BMP2K: variants seen among roughly 807,000 people sequenced by gnomAD.
BMP2K encodes the protein BMP-2-inducible protein kinase.
BMP2K carries 74 observed loss-of-function variants against 116.0 expected under a neutral mutation model. The ratio of observed to expected loss-of-function variants is 0.64; its 90% CI spans 0.53 to 0.77. The LOEUF (loss-of-function observed/expected upper bound fraction) is 0.77, where lower values mean the gene tolerates loss of function less well. Among genes scored for constraint, BMP2K ranks in the 30% least tolerant of loss-of-function variants. The pLI, the probability that BMP2K is intolerant of heterozygous loss-of-function variation, is 0.00. For missense variants in BMP2K, 1,365 were observed against 1,403.6 expected, an observed-to-expected ratio of 0.97 and a Z score of 0.44; for synonymous variants, 486 against 502.5, an observed-to-expected ratio of 0.97 and a Z score of 0.44.
Position 78,911,788 on chromosome 4 carries a change from T to C in BMP2K, c.3241T>C (p.Trp1081Arg), listed in dbSNP as rs1302737856. 1 of 1,613,878 alleles carries C rather than the reference T, an allele frequency of 6.2e-7. No homozygotes were observed. The highest frequency in any genetic ancestry group is 8.5e-7 in the Non-Finnish European group (1 of 1,179,874). ...GCCCTTCCATTCTCCAGACCTGTCA[T>C]GGCACCCTCCACATCAGGGCCTGAG... is the stretch of plus-strand genomic sequence containing the variant. ...AKPFHSPDLS[W>R]HPPHQGLSDI... Residue 1081 changes from tryptophan to arginine, a missense_variant, in exon 16 of 16, where the codon TGG becomes CGG. Trp to Arg is a moderately radical substitution (Grantham distance 101). This residue lies in a region of BMP2K where 596 missense variants were observed against 623.2 expected (regional missense o/e 0.96). Transcript: ENST00000502613.
chr4:78,856,844 G>A (rs1731529235), intron 7 of BMP2K, among the ~76,000 whole-genome samples: 1 of 152,120 alleles, frequency 6.6e-6, no homozygotes, highest in African/African-American at 2.4e-5. Context: ...CTTACAAAAT[G>A]TGGTTTAGCA....
In BMP2K at chr4:78,914,612, C is replaced by A. The variant is rs746369845; in HGVS notation, c.*2579C>A. On this transcript the variant is annotated 3_prime_UTR_variant, in exon 16 of 16. Transcript: ENST00000502613. ...TCCCAAGATATGTGAAAGTGCTTAA[C>A]ACAGTACCTGGCACACAGCACTCAA... 4 of 151,824 alleles carry A rather than the reference C, an allele frequency of 2.6e-5. No homozygotes were observed. Among genetic ancestry groups the A allele is most frequent in the Non-Finnish European group, 5.9e-5 (4 of 67,902 alleles). 9.4% of individuals were successfully genotyped at this position (151,824 alleles called of 1,614,324 possible).
At chr4:78,834,239 C>A (rs1577910469) in intron 3 of BMP2K, among the ~76,000 whole-genome samples, 3 of 150,870 alleles carry the variant, frequency 2.0e-5, no homozygotes, top group Admixed American at 2.0e-4. Context: ...TCATCATCAT[C>A]ATAAAAAAAT....
intron 15 of BMP2K, among the ~76,000 whole-genome samples, chr4:78,897,972 A>G (rs1290934781): frequency 6.6e-6 from 1 of 152,206 alleles, no homozygotes; most frequent in Non-Finnish European, 1.5e-5. Flanking sequence ...CAAAGGAGAG[A>G]GTTGCTTTAT....
At position 78,856,939 on chromosome 4, in the gene BMP2K, T is replaced by C. The variant is rs143070161; in HGVS notation, c.884-2645T>C. On this transcript the variant is annotated intron_variant, in intron 7 of 15. Coordinates refer to ENST00000502613, the MANE Select transcript of BMP2K (RefSeq NM_198892.2). ...GGTGGAGGTGCTTCATTCTTTTTTC[T>C]AGTCTAACAATTTGACAAATCACTG... Among the ~76,000 whole-genome samples, 686 of 152,284 alleles carry C rather than the reference T, an allele frequency of 4.5e-3. 3 individuals carry two copies. The highest frequency in any genetic ancestry group is 0.016 in the African/African-American group (649 of 41,572).
intron 2 of BMP2K, among the ~76,000 whole-genome samples, chr4:78,829,787 T>TTTTCTCTTCTCTTCTCTTCTCTTCTC (rs1730091260): frequency 3.5e-4 from 30 of 86,650 alleles, no homozygotes; most frequent in East Asian, 8.3e-4. Flanking sequence ...TTTCTTTTCT[T>TTTTCTCTTCTCTTCTCTTCTCTTCTC]TTCTCTTCTC....
In BMP2K at chr4:78,865,734, G is replaced by T; in HGVS notation, c.1231+14G>T. ...ATAGACCAAAAGGTAATAGAGCCCCGCCAACCTCATCCTCTTAAAGGTTAA... is the reference window on the plus strand; with the variant it reads ...ATAGACCAAAAGGTAATAGAGCCCCTCCAACCTCATCCTCTTAAAGGTTAA... On this transcript the variant is annotated intron_variant, in intron 10 of 15. Transcript: ENST00000502613. 6.2e-7 allele frequency: 1 copy of T among 1,612,492 alleles called. No individual in the cohort carries two copies. The highest frequency in any genetic ancestry group is 8.5e-7 in the Non-Finnish European group (1 of 1,178,838).
At position 78,865,665 on chromosome 4, in the gene BMP2K, A is replaced by G. The variant is rs747715471; in HGVS notation, c.1176A>G (p.Ser392=). Residue 392 remains serine (S), a synonymous_variant, in exon 10 of 16, where the codon TCA becomes TCG. Transcript: ENST00000502613. ...ATPSVLTIQS[S]ATPVKVLAPG... is the part of the protein sequence containing the mutation. ...CCAGTGTGCTGACCATTCAAAGTTCAGCAACACCTGTTAAAGTCCTTGCTC... is the reference window on the plus strand; with the variant it reads ...CCAGTGTGCTGACCATTCAAAGTTCGGCAACACCTGTTAAAGTCCTTGCTC... 6.2e-7 allele frequency: 1 copy of G among 1,614,136 alleles called. No homozygotes were observed. Among genetic ancestry groups the G allele is most frequent in the South Asian group, 1.1e-5 (1 of 91,086 alleles).
chr4:78,799,866 G>T (rs1461305631), intron 1 of BMP2K, among the ~76,000 whole-genome samples: 1 of 152,110 alleles, frequency 6.6e-6, no homozygotes, highest in Non-Finnish European at 1.5e-5. Flanking sequence ...TTTACCCAGT[G>T]GTCTGGCCAA....
chr4:78,869,538 A>G (rs1732227386), intron 10 of BMP2K, among the ~76,000 whole-genome samples: 1 of 152,164 alleles, frequency 6.6e-6, no homozygotes, highest in Admixed American at 6.5e-5. Context: ...CAACACACAC[A>G]AAAAAATGAC....
At chr4:78,875,506 G>A (rs1364684037) in intron 13 of BMP2K, among the ~76,000 whole-genome samples, 4 of 151,988 alleles carry the variant, frequency 2.6e-5, no homozygotes, top group East Asian at 1.9e-4. Flanking sequence ...CTATGCATAC[G>A]TTATCTTCTT....
At chr4:78,908,269 T>C (rs896227802) in intron 15 of BMP2K, among the ~76,000 whole-genome samples, 2 of 152,174 alleles carry the variant, frequency 1.3e-5, no homozygotes, top group Admixed American at 6.5e-5. Context: ...GCCAACAAAC[T>C]ATACAAGATG....
chr4:78,865,565 A>G lies in BMP2K; in HGVS notation c.1076A>G (p.Asp359Gly). ...RKSQIKARIT[D>G]TIGPTETSIA... Reference sequence around the variant, plus strand: ...ATATTCTTCTGTTGTAGAATAACAGATACCATTGGACCAACAGAAACCTCA... The same window carrying G: ...ATATTCTTCTGTTGTAGAATAACAGGTACCATTGGACCAACAGAAACCTCA... Residue 359 changes from aspartate (D) to glycine (G), a missense_variant, in exon 10 of 16, where the codon GAT (aspartate) becomes GGT (glycine). Physicochemically the swap from Asp to Gly is moderately conservative, Grantham distance 94 (BLOSUM62 -1). Around this residue, in one of 3 missense-constraint regions of BMP2K, gnomAD observed 762 missense variants for 756.7 expected, o/e 1.01. Transcript: ENST00000502613. The G allele has an allele frequency of 6.2e-7, 1 of 1,613,854 alleles. No homozygotes were observed. The highest frequency in any genetic ancestry group is 1.1e-5 in the South Asian group (1 of 91,062).
At chr4:78,796,685 A>G (rs932555840) in intron 1 of BMP2K, among the ~76,000 whole-genome samples, 1 of 152,180 alleles carries the variant, frequency 6.6e-6, no homozygotes, top group African/African-American at 2.4e-5. Flanking sequence ...AGAGTTCACT[A>G]AAATTTAATG....
chr4:78,818,760 TTAACTC>T (rs1022304944), intron 1 of BMP2K, among the ~76,000 whole-genome samples: 7 of 152,102 alleles, frequency 4.6e-5, no homozygotes, highest in East Asian at 1.9e-4. Context: ...AATGTGTAGT[TTAACTC>T]TAACCTTCGT....
intron 1 of BMP2K, among the ~76,000 whole-genome samples, chr4:78,814,869 A>G (rs955662677): frequency 6.6e-6 from 1 of 152,152 alleles, no homozygotes; most frequent in Non-Finnish European, 1.5e-5. Context: ...ATATTATTAT[A>G]TTCACATCTA....
chr4:78,858,609 A>G (rs1731616356), intron 7 of BMP2K, among the ~76,000 whole-genome samples: 1 of 151,956 alleles, frequency 6.6e-6, no homozygotes, highest in Non-Finnish European at 1.5e-5. Flanking sequence ...TATTCAAAAT[A>G]TTACTTAAAT....
At chr4:78,887,790 A>T (rs188589325) in intron 15 of BMP2K, among the ~76,000 whole-genome samples, 68 of 152,316 alleles carry the variant, frequency 4.5e-4, no homozygotes, top group Admixed American at 1.2e-3. Flanking sequence ...CCCAGTTAAC[A>T]CTTGGAAGAT....
intron 1 of BMP2K, among the ~76,000 whole-genome samples, chr4:78,789,927 G>A (rs1024448017): frequency 3.3e-5 from 5 of 152,158 alleles, no homozygotes; most frequent in East Asian, 1.9e-4. Context: ...AGGTTATGGC[G>A]CGTGGAGTCT....
Sources: allele counts gnomAD v4.1 joint callset (sites outside exome capture counted in the v4.1 genomes callset), GRCh38; gene constraint gnomAD v4.1.1; regional missense constraint gnomAD v4.1.1; transcripts MANE v1.5; gene names NCBI Gene and HGNC (gene_info 2026-07-23, HGNC 2026-07-21).